The following BMPR2 variants were observed in gnomAD, a reference collection of about 807,000 sequenced individuals.
The protein encoded by BMPR2 is bone morphogenetic protein receptor type-2.
Under a neutral mutation model 100.8 loss-of-function variants are expected in BMPR2, and 29 were observed. That is an observed-to-expected ratio of 0.29 (90% CI 0.21 to 0.39). BMPR2 has a LOEUF of 0.39. BMPR2 is among the 10% of genes least tolerant of loss of function. The pLI is 1.00. For missense variants in BMPR2, 1,011 were observed against 1,274.5 expected (o/e 0.79, Z 3.15); for synonymous variants, 382 against 442.3 (o/e 0.86, Z 1.71).
At chr2:202,488,508 G>T (rs1692827377) in intron 3 of BMPR2, among the ~76,000 whole-genome samples, 1 of 152,008 alleles carries the variant, frequency 6.6e-6, no homozygotes, top group Non-Finnish European at 1.5e-5. Flanking sequence ...TCCCAGGCTG[G>T]AGTGCGGTGG....
intron 1 of BMPR2, among the ~76,000 whole-genome samples, chr2:202,429,511 C>A (rs555746439): frequency 6.6e-6 from 1 of 152,250 alleles, no homozygotes; most frequent in East Asian, 1.9e-4. Context: ...TTATCTATGA[C>A]AGTTTAGCTC....
rs12469610 is a variant in BMPR2, at chr2:202,378,799, A to G, written c.76+1249A>G. The stretch of plus-strand genomic sequence containing the variant: ...ATGATTTTTCTCTAAATTTCTTTAT[A>G]TTGTGTTAGCTATTTAAATTCTCTA... On this transcript the variant is annotated intron_variant, in intron 1 of 12. Transcript: ENST00000374580. Among the ~76,000 whole-genome samples, 880 of 152,180 alleles carry G rather than the reference A, an allele frequency of 5.8e-3. 19 individuals are homozygous for G. The highest frequency in any genetic ancestry group is 0.033 in the Admixed American group (497 of 15,278).
chr2:202,423,816 A>G (rs1240924731), intron 1 of BMPR2, among the ~76,000 whole-genome samples: 1 of 152,102 alleles, frequency 6.6e-6, no homozygotes, highest in African/African-American at 2.4e-5. Context: ...GCACTTTCGG[A>G]GGCCGGGGTG....
chr2:202,558,834 G>A (rs144236877), intron 12 of BMPR2, among the ~76,000 whole-genome samples: 3,037 of 150,370 alleles, frequency 0.02, 93 homozygotes, highest in African/African-American at 0.069. Context: ...CAGAGGTTGC[G>A]GTGAGCCGAG....
chr2:202,468,965 A>G (rs1692378379), intron 3 of BMPR2, among the ~76,000 whole-genome samples: 1 of 152,128 alleles, frequency 6.6e-6, no homozygotes, highest in Non-Finnish European at 1.5e-5. Flanking sequence ...CAGAAAGAAT[A>G]TGGAAGGGAG....
At position 202,557,905 on chromosome 2, in the gene BMPR2, A is replaced by G. The variant is rs936965562; in HGVS notation, c.2866+1374A>G. On this transcript the variant is annotated intron_variant, in intron 12 of 12. Transcript: ENST00000374580. Reference sequence around the variant, plus strand: ...CAAGAGCTCCAAGTAATGTTATACCAGTATAATCTTTGAAACATTTTATTG... The same window carrying G: ...CAAGAGCTCCAAGTAATGTTATACCGGTATAATCTTTGAAACATTTTATTG... Among the ~76,000 whole-genome samples the G allele has an allele frequency of 3.9e-5, 6 of 152,320 alleles. No homozygotes were observed. In the South Asian group the frequency reaches 1.2e-3, roughly 32 times the overall value.
At chr2:202,530,717 T>A (rs903349290) in intron 7 of BMPR2, 77 bp from the exon 8 acceptor site, 3 of 1,311,038 alleles carry the variant, frequency 2.3e-6, no homozygotes, top group African/African-American at 1.5e-5. Flanking sequence ...TAATACTACT[T>A]CTATATTTAT....
chr2:202,551,213 G>T (rs959990879), intron 10 of BMPR2, among the ~76,000 whole-genome samples: 3 of 151,776 alleles, frequency 2.0e-5, no homozygotes, highest in Admixed American at 2.0e-4. Flanking sequence ...TTTAAAAAGG[G>T]AGTTAAAACC....
At position 202,561,213 on chromosome 2, in the gene BMPR2, CCT is replaced by C. The variant is rs886055476; in HGVS notation, c.*1268_*1269del. On this transcript the variant is annotated 3_prime_UTR_variant, in exon 13 of 13. Coordinates refer to ENST00000374580, the MANE Select transcript of BMPR2 (RefSeq NM_001204.7). ...GAAGGAAGGGCTGCTATCAAACCTA[CCT>C]TTTTTGAGCAAACTGAGACTAAACT... 7.2e-5 allele frequency: 11 copies of C among 152,254 alleles called. No homozygotes were observed. The East Asian group carries it at 2.1e-3, about 29-fold the overall frequency. 9.4% of individuals were successfully genotyped at this position (152,254 alleles called of 1,614,324 possible).
chr2:202,456,228 A>G (rs1187777802), intron 1 of BMPR2, among the ~76,000 whole-genome samples: 2 of 150,308 alleles, frequency 1.3e-5, no homozygotes, highest in African/African-American at 2.4e-5. Context: ...CTGGAGTGCA[A>G]TGGCTCAATC....
intron 1 of BMPR2, among the ~76,000 whole-genome samples, chr2:202,395,634 G>T (rs1690642857): frequency 6.6e-6 from 1 of 152,116 alleles, no homozygotes; most frequent in Non-Finnish European, 1.5e-5. Context: ...AACAGGTAGG[G>T]ATAAAAGCTT....
At chr2:202,406,353 A>G (rs1690891550) in intron 1 of BMPR2, among the ~76,000 whole-genome samples, 1 of 152,228 alleles carries the variant, frequency 6.6e-6, no homozygotes, top group Non-Finnish European at 1.5e-5. Flanking sequence ...ACTCTATGGC[A>G]GAGAAGATGC....
intron 1 of BMPR2, among the ~76,000 whole-genome samples, chr2:202,439,647 T>TG (rs1263078008): frequency 6.7e-6 from 1 of 150,232 alleles, no homozygotes; most frequent in East Asian, 1.9e-4. Context: ...TGGATAGGTT[T>TG]GGGGAAGCCA....
rs927705913 is a variant in BMPR2, at chr2:202,439,853, T to C, written c.77-24956T>C. The stretch of plus-strand genomic sequence containing the variant: ...TGGAGGGAAGGTCAGCAGATAAACA[T>C]GTGAACAAGGGTCTCTGGTTTTCCT... On this transcript the variant is annotated intron_variant, in intron 1 of 12. Transcript: ENST00000374580. Among the ~76,000 whole-genome samples, 2 of 149,774 alleles carry C rather than the reference T, an allele frequency of 1.3e-5. 1 individual carries two copies. The highest frequency in any genetic ancestry group is 2.9e-5 in the Non-Finnish European group (2 of 68,006).
intron 11 of BMPR2, among the ~76,000 whole-genome samples, chr2:202,553,872 G>A (rs559656151): frequency 5.3e-5 from 8 of 152,188 alleles, no homozygotes; most frequent in Non-Finnish European, 1.0e-4. Context: ...ATATTTATTA[G>A]AGACAGGGTT....
In BMPR2 at chr2:202,532,689, A is replaced by C. The variant is rs1425679468; in HGVS notation, c.1233A>C (p.Leu411=). Reference sequence around the variant, plus strand: ...AAGTAGACATGTATGCTCTTGGACTAATCTATTGGGAGATATTTATGAGAT... The same window carrying C: ...AAGTAGACATGTATGCTCTTGGACTCATCTATTGGGAGATATTTATGAGAT... The part of the protein sequence containing the change: ...LKQVDMYALG[L]IYWEIFMRCT... The change falls in exon 9 of 13, where the codon CTA becomes CTC. Residue 411 remains leucine, a synonymous_variant. Transcript: ENST00000374580. The surrounding 1 kb of genome is among the most constrained non-coding windows in gnomAD (Gnocchi z 4.1). 6.2e-7 allele frequency: 1 copy of C among 1,613,738 alleles called. No individual in the cohort carries two copies. The highest frequency in any genetic ancestry group is 8.5e-7 in the Non-Finnish European group (1 of 1,179,902).
intron 1 of BMPR2, among the ~76,000 whole-genome samples, chr2:202,392,157 G>A (rs1461621947): frequency 6.6e-6 from 1 of 150,732 alleles, no homozygotes; most frequent in Non-Finnish European, 1.5e-5. Flanking sequence ...TGCGACCTCC[G>A]CCTGCCGGGT....
intron 3 of BMPR2, among the ~76,000 whole-genome samples, chr2:202,513,077 G>T (rs1386587652): frequency 6.6e-6 from 1 of 150,936 alleles, no homozygotes; most frequent in Non-Finnish European, 1.5e-5. Context: ...CAATCCTCCT[G>T]CCATAGCCCC....
rs1162960513 is a variant in BMPR2 at position 202,555,451 on chromosome 2, G to A, written c.1786G>A (p.Ala596Thr). Reference sequence around the variant, plus strand: ...TAACTATGAACGACAGCAAGCACAAGCTCGAATCCCCAGCCCTGAAACAAG... The same window carrying A: ...TAACTATGAACGACAGCAAGCACAAACTCGAATCCCCAGCCCTGAAACAAG... The part of the protein sequence containing the change: ...SINYERQQAQ[A>T]RIPSPETSVT... Residue 596 changes from alanine (A) to threonine (T), a missense_variant, in exon 12 of 13, where the codon GCT (alanine) becomes ACT (threonine). Transcript: ENST00000374580. 1 of 1,614,092 alleles carries A rather than the reference G, an allele frequency of 6.2e-7. No homozygotes were observed. Among genetic ancestry groups the A allele is most frequent in the South Asian group, 1.1e-5 (1 of 91,068 alleles).
Sources: allele counts gnomAD v4.1 joint callset (sites outside exome capture counted in the v4.1 genomes callset), GRCh38; gene constraint gnomAD v4.1.1; non-coding constraint Gnocchi (gnomAD v3.1); transcripts MANE v1.5; gene names NCBI Gene and HGNC (gene_info 2026-07-23, HGNC 2026-07-21).